KCNN2: variants seen among roughly 807,000 people sequenced by gnomAD.
KCNN2 encodes potassium calcium-activated channel subfamily N member 2.
Under a neutral mutation model 55.5 loss-of-function variants are expected in KCNN2, and 24 were observed. The ratio of observed to expected loss-of-function variants is 0.43; its 90% CI spans 0.31 to 0.61. The LOEUF (loss-of-function observed/expected upper bound fraction) is 0.61. KCNN2 is among the 20% of genes least tolerant of loss of function. The pLI is 0.08. For missense variants in KCNN2, 754 were observed against 853.6 expected (o/e 0.88, Z 1.45); for synonymous variants, 431 against 336.1 (o/e 1.28, Z -3.09).
At chr5:114,398,428 A>T (rs1370239177) in intron 2 of KCNN2, among the ~76,000 whole-genome samples, 2 of 149,222 alleles carry the variant, frequency 1.3e-5, no homozygotes, top group African/African-American at 4.9e-5. Flanking sequence ...TGTTTGGGTT[A>T]CTGTAGCCTT....
chr5:114,246,026 T>G (rs1302835564), intron 2 of KCNN2, among the ~76,000 whole-genome samples: 1 of 152,216 alleles, frequency 6.6e-6, no homozygotes, highest in African/African-American at 2.4e-5. Flanking sequence ...AGTTTTTTCT[T>G]GGAGGATCAG....
intron 7 of KCNN2, among the ~76,000 whole-genome samples, chr5:114,493,939 A>G (rs1451042189): frequency 6.6e-6 from 1 of 152,198 alleles, no homozygotes; most frequent in African/African-American, 2.4e-5. Flanking sequence ...ACATCCTAGA[A>G]TGAAAGTTAT....
intron 2 of KCNN2, among the ~76,000 whole-genome samples, chr5:114,335,235 C>A (rs1012057726): frequency 3.9e-5 from 6 of 152,130 alleles, no homozygotes; most frequent in Non-Finnish European, 7.3e-5. Context: ...AATATGACCA[C>A]TGGGGACTCA....
intron 6 of KCNN2, chr5:114,489,173 G>C (rs533155580): frequency 3.9e-5 from 6 of 152,128 alleles, no homozygotes; most frequent in Non-Finnish European, 7.4e-5. Flanking sequence ...TGTAATATAA[G>C]ACTCTTCTGG....
At chr5:114,108,198 A>G (rs969498822) in intron 1 of KCNN2, among the ~76,000 whole-genome samples, 1 of 152,054 alleles carries the variant, frequency 6.6e-6, no homozygotes, top group Non-Finnish European at 1.5e-5. Context: ...GTTCGAAGGG[A>G]AGGATTTCTA....
At position 114,094,682 on chromosome 5, in the gene KCNN2, A is replaced by G. The variant is rs960180104; in HGVS notation, c.-271+38182A>G. ...CAGCTGCTTCATAAGTGAATTCCGA[A>G]GAAACACTTTAAGTACCAAAACCGG... On this transcript the variant is annotated intron_variant, in intron 1 of 10. Transcript: ENST00000512097. Among the ~76,000 whole-genome samples, 5 of 152,316 alleles carry G rather than the reference A, an allele frequency of 3.3e-5. No individual in the cohort carries two copies. In the East Asian group the frequency reaches 9.7e-4, roughly 29 times the overall value.
chr5:114,405,369 C>T (rs902468490), intron 3 of KCNN2, among the ~76,000 whole-genome samples: 5 of 152,174 alleles, frequency 3.3e-5, no homozygotes, highest in Non-Finnish European at 4.4e-5. Flanking sequence ...TTAGTTTGTA[C>T]TGAACTTTCA....
At chr5:114,402,675 C>T (rs1758822111) in intron 2 of KCNN2, among the ~76,000 whole-genome samples, 1 of 152,118 alleles carries the variant, frequency 6.6e-6, no homozygotes, top group Non-Finnish European at 1.5e-5. Flanking sequence ...GAAAGGGGAA[C>T]AATGGCGGCC....
At chr5:114,391,170 T>C (rs1758440901) in intron 2 of KCNN2, among the ~76,000 whole-genome samples, 1 of 152,130 alleles carries the variant, frequency 6.6e-6, no homozygotes, top group Non-Finnish European at 1.5e-5. Context: ...ATACTGACAT[T>C]GCTCTAGATC....
intron 1 of KCNN2, among the ~76,000 whole-genome samples, chr5:114,124,078 A>G (rs1425923440): frequency 6.6e-6 from 1 of 152,182 alleles, no homozygotes; most frequent in Non-Finnish European, 1.5e-5. Context: ...TAACATATAT[A>G]TTTGGGTATA....
intron 1 of KCNN2, among the ~76,000 whole-genome samples, chr5:114,098,631 A>C (rs1176228223): frequency 6.6e-6 from 1 of 151,460 alleles, no homozygotes; most frequent in East Asian, 2.0e-4. Flanking sequence ...TCCGTGAAAA[A>C]ATTGTCTCCC....
intron 5 of KCNN2, among the ~76,000 whole-genome samples, chr5:114,479,235 A>AG (rs1414965822): frequency 3.3e-5 from 5 of 151,460 alleles, no homozygotes; most frequent in Non-Finnish European, 5.9e-5. Context: ...ATAAAAAAAA[A>AG]AAAAGAAAAA....
At chr5:114,228,268 T>C (rs1754283377) in intron 2 of KCNN2, among the ~76,000 whole-genome samples, 1 of 152,128 alleles carries the variant, frequency 6.6e-6, no homozygotes, top group Non-Finnish European at 1.5e-5. Flanking sequence ...GTGAAGAATA[T>C]CTCATTTACT....
chr5:114,385,363 A>G (rs1580775737), intron 2 of KCNN2, among the ~76,000 whole-genome samples: 1 of 152,134 alleles, frequency 6.6e-6, no homozygotes, highest in African/African-American at 2.4e-5. Flanking sequence ...CTTAATTTAC[A>G]TAACTGACAT....
At chr5:114,078,825 G>A (rs1750737128) in intron 1 of KCNN2, among the ~76,000 whole-genome samples, 1 of 152,252 alleles carries the variant, frequency 6.6e-6, no homozygotes, top group Non-Finnish European at 1.5e-5. Flanking sequence ...TCCAAATCAG[G>A]AATCTAAACT....
chr5:114,218,307 GT>G (rs1399870492), intron 1 of KCNN2, among the ~76,000 whole-genome samples: 1 of 152,120 alleles, frequency 6.6e-6, no homozygotes, highest in Non-Finnish European at 1.5e-5. Flanking sequence ...AGCTTTATTC[GT>G]TCATAATTGC....
At chr5:114,400,507 A>G (rs1758755109) in intron 2 of KCNN2, among the ~76,000 whole-genome samples, 1 of 152,216 alleles carries the variant, frequency 6.6e-6, no homozygotes, top group Non-Finnish European at 1.5e-5. Context: ...AGATCACATC[A>G]TTCCTCTGCC....
chr5:114,091,083 A>C (rs1329468081), intron 1 of KCNN2, among the ~76,000 whole-genome samples: 1 of 152,082 alleles, frequency 6.6e-6, no homozygotes, highest in Non-Finnish European at 1.5e-5. Context: ...CAAGTGATCT[A>C]CCTGCCTTGG....
intron 2 of KCNN2, among the ~76,000 whole-genome samples, chr5:114,392,945 A>T (rs1056964541): frequency 1.3e-5 from 2 of 151,864 alleles, no homozygotes; most frequent in African/African-American, 4.8e-5. Context: ...AAATGTCCTA[A>T]AAATGATATT....
Sources: gnomAD v4.1 joint callset for allele counts (sites outside exome capture counted in the v4.1 genomes callset) on GRCh38, gnomAD v4.1.1 for gene constraint, MANE v1.5 for transcripts, NCBI Gene and HGNC (gene_info 2026-07-23, HGNC 2026-07-21) for gene names.